The following GRIA1 variants were observed in gnomAD, a reference collection of about 807,000 sequenced individuals.
GRIA1 encodes glutamate ionotropic receptor AMPA type subunit 1, also known as glutamate receptor 1.
A neutral mutation model predicts 99.2 loss-of-function variants in GRIA1; 31 were observed. That is an observed-to-expected ratio of 0.31 (90% CI 0.23 to 0.42). GRIA1 has a LOEUF of 0.42. GRIA1 is among the 10% of genes least tolerant of loss of function. The pLI is 1.00. For missense variants in GRIA1, 782 were observed against 1,157.5 expected (o/e 0.68, Z 4.71); for synonymous variants, 438 against 432.4 (o/e 1.01, Z -0.16).
chr5:153,640,223 A>G (rs1561717697), intron 2 of GRIA1, among the ~76,000 whole-genome samples: 1 of 152,124 alleles, frequency 6.6e-6, no homozygotes, highest in African/African-American at 2.4e-5. Context: ...AGTAATTAAG[A>G]CCCATGCTTA....
upstream of GRIA1, chr5:153,489,695 G>A: frequency 2.3e-6 from 1 of 436,862 alleles, no homozygotes; most frequent in Admixed American, 2.5e-5. Context: ...TCTCTCTACA[G>A]GTTATTTCAG....
rs769612173 is a variant in GRIA1, at chr5:153,647,067, G to C, written c.360G>C (p.Gln120His). The change falls in exon 3 of 16, where the codon CAG becomes CAC. Residue 120 changes from glutamine to histidine, a missense_variant. Physicochemically the swap from Gln to His is conservative, Grantham distance 24. Transcript: ENST00000285900. The part of the protein sequence containing the change: ...TPSFPVDTSN[Q>H]FVLQLRPELQ... ...GCTTTCCCGTTGATACATCCAATCA[G>C]TTTGTCCTTCAGCTGCGCCCTGAAC... 7 of 1,613,834 alleles carry C rather than the reference G, an allele frequency of 4.3e-6. No homozygotes were observed. The highest frequency in any genetic ancestry group is 5.1e-6 in the Non-Finnish European group (6 of 1,179,918).
intron 2 of GRIA1, among the ~76,000 whole-genome samples, chr5:153,613,111 T>C (rs1766148138): frequency 6.6e-6 from 1 of 152,132 alleles, no homozygotes; most frequent in African/African-American, 2.4e-5. Flanking sequence ...TCCTTTTTCT[T>C]TTCCTCCCCC....
At chr5:153,576,234 GGT>G (rs769489147) in intron 2 of GRIA1, among the ~76,000 whole-genome samples, 4 of 152,126 alleles carry the variant, frequency 2.6e-5, no homozygotes, top group Non-Finnish European at 5.9e-5. Context: ...GAATTTCTGA[GGT>G]TAGTTTATAC....
In GRIA1 at chr5:153,585,584, C is replaced by T. The variant is rs367549445; in HGVS notation, c.221-61344C>T. Among the ~76,000 whole-genome samples the T allele has an allele frequency of 1.3e-4, 20 of 152,248 alleles. No homozygotes were observed. The South Asian group carries it at 4.1e-3, about 32-fold the overall frequency. On this transcript the variant is annotated intron_variant, in intron 2 of 15. Transcript: ENST00000285900. ...TCGGCCTCCCAAAGTGCTGGGATTA[C>T]AGGTGTGAGCCACTGTGCCCGGCCC...
intron 8 of GRIA1, among the ~76,000 whole-genome samples, chr5:153,690,074 C>T (rs545234254): frequency 1.6e-4 from 25 of 152,230 alleles, no homozygotes; most frequent in East Asian, 1.5e-3. Context: ...TTATTTAAAA[C>T]GCAGATTCCT....
At chr5:153,770,868 C>T (rs766218259) in intron 13 of GRIA1, among the ~76,000 whole-genome samples, 2 of 152,182 alleles carry the variant, frequency 1.3e-5, no homozygotes, top group Admixed American at 6.5e-5. Flanking sequence ...TCAAATCTTT[C>T]GAGTCCTGAG....
chr5:153,567,434 A>G (rs1479229011), intron 2 of GRIA1, among the ~76,000 whole-genome samples: 1 of 152,222 alleles, frequency 6.6e-6, no homozygotes, highest in Non-Finnish European at 1.5e-5. Flanking sequence ...ATTTGGGGCC[A>G]GATAATTCTT....
chr5:153,564,181 G>A (rs1194916992), intron 2 of GRIA1, among the ~76,000 whole-genome samples: 2 of 152,140 alleles, frequency 1.3e-5, no homozygotes, highest in African/African-American at 4.8e-5. Flanking sequence ...ACCCTTGAGA[G>A]ATTGCCCTAT....
chr5:153,684,295 CAATAAT>C (rs1368459363), intron 7 of GRIA1, among the ~76,000 whole-genome samples: 1 of 152,114 alleles, frequency 6.6e-6, no homozygotes, highest in Non-Finnish European at 1.5e-5. Context: ...CCATTAACAA[CAATAAT>C]AATAACAGCT....
At chr5:153,582,037 C>T (rs1408355195) in intron 2 of GRIA1, among the ~76,000 whole-genome samples, 2 of 152,170 alleles carry the variant, frequency 1.3e-5, no homozygotes, top group African/African-American at 4.8e-5. Context: ...GGATCACAGG[C>T]GTAAGCCACC....
chr5:153,606,050 TTAA>T (rs1372631550), intron 2 of GRIA1, among the ~76,000 whole-genome samples: 1 of 152,152 alleles, frequency 6.6e-6, no homozygotes, highest in East Asian at 1.9e-4. Flanking sequence ...TTCTTCTATA[TTAA>T]CTTTTGGTGG....
chr5:153,679,047 G>A (rs1756790564), intron 7 of GRIA1, among the ~76,000 whole-genome samples: 1 of 152,174 alleles, frequency 6.6e-6, no homozygotes, highest in Admixed American at 6.5e-5. Context: ...TCTGCCCTCA[G>A]TAGGGTTTGA....
At chr5:153,611,295 A>C (rs1765959216) in intron 2 of GRIA1, among the ~76,000 whole-genome samples, 1 of 152,206 alleles carries the variant, frequency 6.6e-6, no homozygotes, top group South Asian at 2.1e-4. Context: ...TATGGTAGGA[A>C]TATTTACACC....
intron 11 of GRIA1, among the ~76,000 whole-genome samples, chr5:153,756,978 T>C (rs1437203955): frequency 6.6e-6 from 1 of 152,058 alleles, no homozygotes; most frequent in African/African-American, 2.4e-5. Flanking sequence ...ATGACACCAA[T>C]GAGGGACCCT....
chr5:153,573,987 T>A (rs1762329861), intron 2 of GRIA1, among the ~76,000 whole-genome samples: 1 of 152,150 alleles, frequency 6.6e-6, no homozygotes, highest in African/African-American at 2.4e-5. Context: ...GTCCCCTCCT[T>A]CTAGGACCAG....
At chr5:153,564,542 A>G (rs1761447166) in intron 2 of GRIA1, among the ~76,000 whole-genome samples, 2 of 152,282 alleles carry the variant, frequency 1.3e-5, no homozygotes, top group South Asian at 4.1e-4. Context: ...TGAAAACTAA[A>G]CTGAAATCAT....
chr5:153,566,219 G>A (rs887118821), intron 2 of GRIA1, among the ~76,000 whole-genome samples: 2 of 150,110 alleles, frequency 1.3e-5, no homozygotes, highest in African/African-American at 4.9e-5. Context: ...ATTTTGTAAC[G>A]ACTGATGGGT....
At chr5:153,662,647 A>G (rs1755455071) in intron 5 of GRIA1, among the ~76,000 whole-genome samples, 1 of 152,340 alleles carries the variant, frequency 6.6e-6, no homozygotes, top group East Asian at 1.9e-4. Context: ...ATTTTATAAA[A>G]TAGACACTCA....
Sources: gnomAD v4.1 joint callset for allele counts (sites outside exome capture counted in the v4.1 genomes callset) on GRCh38, gnomAD v4.1.1 for gene constraint, MANE v1.5 for transcripts, NCBI Gene and HGNC (gene_info 2026-07-23, HGNC 2026-07-21) for gene names.